Variants in ITGB6 observed in about 807,000 individuals in gnomAD.
ITGB6 encodes the protein integrin beta-6.
Under a neutral mutation model 84.5 loss-of-function variants are expected in ITGB6, and 80 were observed. That is an observed-to-expected ratio of 0.95 (90% CI 0.79 to 1.14). ITGB6 has a LOEUF of 1.14. ITGB6 is among the 50% of genes most tolerant of loss of function. ITGB6 has a pLI of 0.00. For missense variants in ITGB6, 1,006 were observed against 968.0 expected (o/e 1.04, Z -0.52); for synonymous variants, 383 against 354.9 (o/e 1.08, Z -0.89).
chr2:160,113,364 T>A (rs1682615919), intron 12 of ITGB6, among the ~76,000 whole-genome samples: 1 of 152,262 alleles, frequency 6.6e-6, no homozygotes, highest in Admixed American at 6.5e-5. Context: ...ATTAAGTTGC[T>A]GTTTGCTGTC....
chr2:160,154,069 A>C (rs186564338), intron 7 of ITGB6, among the ~76,000 whole-genome samples: 155 of 152,320 alleles, frequency 1.0e-3, no homozygotes, highest in African/African-American at 3.5e-3. Flanking sequence ...TTGACCTAGC[A>C]ATCCCATTAC....
At chr2:160,107,431 G>T (rs1157222891) in intron 14 of ITGB6, among the ~76,000 whole-genome samples, 1 of 152,158 alleles carries the variant, frequency 6.6e-6, no homozygotes, top group Non-Finnish European at 1.5e-5. Flanking sequence ...AGCTGTCTCA[G>T]GAGCCTCATG....
intron 7 of ITGB6, among the ~76,000 whole-genome samples, chr2:160,145,830 C>G (rs1684165750): frequency 6.6e-6 from 1 of 152,194 alleles, no homozygotes; most frequent in African/African-American, 2.4e-5. Context: ...GATATCCTGG[C>G]TTTCTGACCT....
At position 160,196,297 on chromosome 2, in the gene ITGB6, G is replaced by A. The variant is rs1686333224; in HGVS notation, c.265C>T (p.Pro89Ser). 6.2e-7 allele frequency: 1 copy of A among 1,613,868 alleles called. No individual in the cohort carries two copies. Residue 89 changes from proline to serine, a missense_variant, in exon 3 of 15, where the codon CCT (proline) becomes TCT (serine). Physicochemically the swap from Pro to Ser is moderately conservative, Grantham distance 74. Coordinates refer to ENST00000283249, the MANE Select transcript of ITGB6 (RefSeq NM_000888.5). Reference sequence around the variant, plus strand: ...TTTTTCTGTCTGCCTACACTGAGAGGCTTATTTTTAAGTATTTCTACTTGG... The same window carrying A: ...TTTTTCTGTCTGCCTACACTGAGAGACTTATTTTTAAGTATTTCTACTTGG... ...VSQVEILKNKPLSVGRQKNSS... is the reference protein window; with the variant it reads ...VSQVEILKNKSLSVGRQKNSS...
intron 12 of ITGB6, among the ~76,000 whole-genome samples, chr2:160,119,832 C>A (rs1296703034): frequency 2.0e-5 from 3 of 152,052 alleles, no homozygotes; most frequent in Non-Finnish European, 4.4e-5. Flanking sequence ...AAAAAACAAA[C>A]AACCCCATCA....
At chr2:160,158,194 G>A (rs925409630) in intron 7 of ITGB6, among the ~76,000 whole-genome samples, 2 of 152,226 alleles carry the variant, frequency 1.3e-5, no homozygotes, top group Non-Finnish European at 2.9e-5. Flanking sequence ...GTGCTAATTA[G>A]ATCAGGTGCT....
At chr2:160,168,627 A>T (rs539162062) in intron 7 of ITGB6, among the ~76,000 whole-genome samples, 2 of 152,332 alleles carry the variant, frequency 1.3e-5, no homozygotes, top group African/African-American at 4.8e-5. Flanking sequence ...ACAGCACTTC[A>T]TCTAATGAAA....
At position 160,137,468 on chromosome 2, in the gene ITGB6, G is replaced by T; in HGVS notation, c.1626C>A (p.Phe542Leu). Residue 542 changes from phenylalanine to leucine, a missense_variant, in exon 10 of 15, where the codon TTC becomes TTA. Phe to Leu is a conservative substitution (Grantham distance 22). Coordinates refer to ENST00000283249, the MANE Select transcript of ITGB6 (RefSeq NM_000888.5). ...IYGPYCQCDN[F>L]SCVRHKGLLC... The stretch of plus-strand genomic sequence containing the variant: ...GCAGCCCTTTGTGTCTCACGCAGGA[G>T]AAATTGTCACACTGGCAATAAGGCC... 6.2e-7 allele frequency: 1 copy of T among 1,613,166 alleles called. No homozygotes were observed. The highest frequency in any genetic ancestry group is 8.5e-7 in the Non-Finnish European group (1 of 1,179,220).
At chr2:160,151,630 A>T (rs1316401942) in intron 7 of ITGB6, among the ~76,000 whole-genome samples, 1 of 152,158 alleles carries the variant, frequency 6.6e-6, no homozygotes, top group African/African-American at 2.4e-5. Context: ...GACACAAAAA[A>T]CCCTTCAAAA....
chr2:160,145,953 A>T (rs1451404071), intron 7 of ITGB6, among the ~76,000 whole-genome samples: 3 of 152,100 alleles, frequency 2.0e-5, no homozygotes, highest in Non-Finnish European at 4.4e-5. Flanking sequence ...TATTAACTGT[A>T]TCCTTGCTGG....
At chr2:160,107,033 A>C (rs1696934432) in intron 14 of ITGB6, among the ~76,000 whole-genome samples, 1 of 152,206 alleles carries the variant, frequency 6.6e-6, no homozygotes, top group Non-Finnish European at 1.5e-5. Context: ...GAAACACAGA[A>C]AACTATAGTC....
At chr2:160,106,598 C>T (rs1696917376) in intron 14 of ITGB6, among the ~76,000 whole-genome samples, 1 of 152,150 alleles carries the variant, frequency 6.6e-6, no homozygotes, top group South Asian at 2.1e-4. Flanking sequence ...ACGATCCAAA[C>T]AAAATCCATA....
intron 12 of ITGB6, among the ~76,000 whole-genome samples, chr2:160,113,031 T>A (rs1289837626): frequency 6.6e-6 from 1 of 152,244 alleles, no homozygotes; most frequent in East Asian, 1.9e-4. Context: ...TTAACTGTTC[T>A]CCTATCTTTT....
intron 4 of ITGB6, among the ~76,000 whole-genome samples, chr2:160,178,563 T>C (rs1028851962): frequency 2.0e-5 from 3 of 152,216 alleles, no homozygotes; most frequent in Non-Finnish European, 2.9e-5. Context: ...ATTCAAGTGA[T>C]AGGAGAGCTA....
At chr2:160,162,361 T>C (rs1487417150) in intron 7 of ITGB6, among the ~76,000 whole-genome samples, 1 of 152,180 alleles carries the variant, frequency 6.6e-6, no homozygotes, top group East Asian at 1.9e-4. Context: ...TGTACATATA[T>C]GTGTACATAT....
chr2:160,136,863 G>A (rs1683748415), intron 10 of ITGB6, among the ~76,000 whole-genome samples: 1 of 150,270 alleles, frequency 6.7e-6, no homozygotes, highest in African/African-American at 2.5e-5. Context: ...AGAACACATG[G>A]ACACAGGAAG....
Position 160,123,996 on chromosome 2 carries a change from C to T in ITGB6, c.1884-108G>A, listed in dbSNP as rs76704288. Reference sequence around the variant, plus strand: ...TGCAATTTGTGCTATAGGAGTATGTCATAGATGTCATTATCTTTTGTTACT... The same window carrying T: ...TGCAATTTGTGCTATAGGAGTATGTTATAGATGTCATTATCTTTTGTTACT... On this transcript the variant is annotated intron_variant, in intron 11 of 14. Transcript: ENST00000283249. 729 of 669,390 alleles carry T rather than the reference C, an allele frequency of 1.1e-3. 13 individuals carry two copies. In the East Asian group the frequency reaches 0.019, roughly 18 times the overall value. The allele number at this position is 669,390 out of a possible 1,614,324, so 41.5% of individuals were successfully genotyped here.
At position 160,196,394 on chromosome 2, in the gene ITGB6, G is replaced by A. The variant is rs199924562; in HGVS notation, c.168C>T (p.Gly56=). 393 of 1,613,412 alleles carry A rather than the reference G, an allele frequency of 2.4e-4. 1 individual carries two copies. Among genetic ancestry groups the A allele is most frequent in the Non-Finnish European group, 2.2e-4 (255 of 1,179,608 alleles). Reference sequence around the variant, plus strand: ...GGTTTGCTGGGGTATCACACCTTTCGCCAACTCCAGATGGATGAGTAAAAT... The same window carrying A: ...GGTTTGCTGGGGTATCACACCTTTCACCAACTCCAGATGGATGAGTAAAAT... ...QENFTHPSGV[G]ERCDTPANLL... The change falls in exon 3 of 15, where the codon GGC becomes GGT. Residue 56 remains glycine (G), a synonymous_variant. Coordinates refer to ENST00000283249, the MANE Select transcript of ITGB6 (RefSeq NM_000888.5).
At chr2:160,105,434 A>G (rs1696872224) in intron 14 of ITGB6, among the ~76,000 whole-genome samples, 1 of 152,196 alleles carries the variant, frequency 6.6e-6, no homozygotes, top group Non-Finnish European at 1.5e-5. Context: ...TCTGTATGAG[A>G]ACATTGAAAT....
Sources: allele counts gnomAD v4.1 joint callset (sites outside exome capture counted in the v4.1 genomes callset), GRCh38; gene constraint gnomAD v4.1.1; transcripts MANE v1.5; gene names NCBI Gene and HGNC (gene_info 2026-07-23, HGNC 2026-07-21).